The following ATP8A2 variants were observed in gnomAD, a reference collection of about 807,000 sequenced individuals.
ATP8A2 encodes the protein ATPase phospholipid transporting 8A2, also known as phospholipid-transporting ATPase IB.
ATP8A2 carries 100 observed loss-of-function variants against 165.6 expected under a neutral mutation model. The observed-to-expected ratio is 0.60, with a 90% CI of 0.51 to 0.71. The LOEUF is 0.71. Among genes scored for constraint, ATP8A2 ranks in the 30% least tolerant of loss-of-function variants. The pLI is 0.00. For synonymous variants in ATP8A2, 543 were observed against 548.8 expected (o/e 0.99, Z 0.15); for missense variants, 1,227 against 1,479.5 (o/e 0.83, Z 2.80).
intron 2 of ATP8A2, chr13:25,517,173 G>A (rs2037505211): frequency 6.6e-6 from 1 of 151,078 alleles, no homozygotes; most frequent in Non-Finnish European, 1.5e-5. Context: ...AGAAGGTTAG[G>A]ATGATCCCTG....
At position 26,009,164 on chromosome 13, in the gene ATP8A2, G is replaced by T. The variant is rs1956795371; in HGVS notation, c.3378-3367G>T. Among the ~76,000 whole-genome samples the T allele has an allele frequency of 2.0e-5, 3 of 152,190 alleles. No individual in the cohort carries two copies. In the South Asian group the frequency reaches 6.2e-4, roughly 32 times the overall value. Reference sequence around the variant, plus strand: ...ATCTGAAGTAATCATAGTTAGGCCTGGTCCTGACATTTGCAGGACTTGGTA... The same window carrying T: ...ATCTGAAGTAATCATAGTTAGGCCTTGTCCTGACATTTGCAGGACTTGGTA... On this transcript the variant is annotated intron_variant, in intron 35 of 36. Coordinates refer to ENST00000381655, the MANE Select transcript of ATP8A2 (RefSeq NM_016529.6).
At chr13:25,998,603 C>T (rs1231633092) in intron 35 of ATP8A2, among the ~76,000 whole-genome samples, 1 of 152,194 alleles carries the variant, frequency 6.6e-6, no homozygotes, top group Non-Finnish European at 1.5e-5. Context: ...TCCTCTGCCT[C>T]TACTGGGAAA....
At chr13:25,849,184 C>G (rs1338822767) in intron 30 of ATP8A2, among the ~76,000 whole-genome samples, 3 of 152,184 alleles carry the variant, frequency 2.0e-5, no homozygotes, top group Non-Finnish European at 4.4e-5. Context: ...ATGGTGCCAC[C>G]TCTACCTCAG....
Position 25,671,155 on chromosome 13 carries a change from C to T in ATP8A2, c.2212-28018C>T, listed in dbSNP as rs1593171560. Among the ~76,000 whole-genome samples the T allele has an allele frequency of 2.6e-5, 4 of 152,336 alleles. 1 individual carries two copies. In the South Asian group the frequency reaches 8.3e-4, roughly 32 times the overall value. Reference sequence around the variant, plus strand: ...GCCTGTCTTTATTGCAATCTCTAAACATAAATTGTTAAGATTTCATGGACA... The same window carrying T: ...GCCTGTCTTTATTGCAATCTCTAAATATAAATTGTTAAGATTTCATGGACA... On this transcript the variant is annotated intron_variant, in intron 24 of 36. Transcript: ENST00000381655.
intron 1 of ATP8A2, among the ~76,000 whole-genome samples, chr13:25,402,993 T>G (rs2033685915): frequency 6.6e-6 from 1 of 152,136 alleles, no homozygotes; most frequent in Non-Finnish European, 1.5e-5. Context: ...GAAAATAGGA[T>G]GGACTCATTC....
intron 32 of ATP8A2, among the ~76,000 whole-genome samples, chr13:25,861,305 G>A (rs1952344740): frequency 2.6e-5 from 4 of 152,044 alleles, no homozygotes; most frequent in Admixed American, 1.3e-4. Flanking sequence ...ATAGGACTTT[G>A]TAATCCCTTT....
At chr13:25,968,303 AC>A (rs1393772912) in intron 34 of ATP8A2, among the ~76,000 whole-genome samples, 1 of 152,078 alleles carries the variant, frequency 6.6e-6, no homozygotes, top group East Asian at 1.9e-4. Context: ...TCTTTGAGTG[AC>A]TGGGCTGCTC....
chr13:25,548,254 A>G (rs2038714187), intron 10 of ATP8A2, among the ~76,000 whole-genome samples: 1 of 151,902 alleles, frequency 6.6e-6, no homozygotes, highest in African/African-American at 2.4e-5. Flanking sequence ...ACAAAACAAA[A>G]GAAAACCCAT....
chr13:25,703,396 T>C (rs1263886625), intron 25 of ATP8A2, among the ~76,000 whole-genome samples: 1 of 152,110 alleles, frequency 6.6e-6, no homozygotes, highest in Non-Finnish European at 1.5e-5. Context: ...TTTAAAAACA[T>C]ATTTTCCTCA....
chr13:25,616,082 C>A (rs1484890512), intron 24 of ATP8A2, among the ~76,000 whole-genome samples: 1 of 152,044 alleles, frequency 6.6e-6, no homozygotes, highest in African/African-American at 2.4e-5. Flanking sequence ...TTCTCCTATA[C>A]CCCAGTTATC....
chr13:25,673,492 CAAA>C (rs2042308549), intron 24 of ATP8A2, among the ~76,000 whole-genome samples: 2 of 152,192 alleles, frequency 1.3e-5, no homozygotes, highest in Non-Finnish European at 2.9e-5. Context: ...AAATAGAAGT[CAAA>C]CATATTTTAA....
intron 33 of ATP8A2, among the ~76,000 whole-genome samples, chr13:25,920,734 T>C (rs543292413): frequency 2.4e-4 from 37 of 152,340 alleles, no homozygotes; most frequent in Non-Finnish European, 4.6e-4. Context: ...TTTTCCTAAA[T>C]ACTGTCAACA....
intron 27 of ATP8A2, among the ~76,000 whole-genome samples, chr13:25,786,754 G>GA (rs58430501): frequency 0.29 from 39,125 of 134,536 alleles, 6,605 homozygotes; most frequent in African/African-American, 0.4. Flanking sequence ...ACAATTCTAT[G>GA]TTTTTTTTTT....
At chr13:25,697,422 G>C (rs1185887581) in intron 24 of ATP8A2, among the ~76,000 whole-genome samples, 4 of 152,128 alleles carry the variant, frequency 2.6e-5, no homozygotes, top group African/African-American at 9.7e-5. Flanking sequence ...TGGGATTACA[G>C]GTGCGTGCCA....
intron 1 of ATP8A2, among the ~76,000 whole-genome samples, chr13:25,381,684 A>G (rs1231904037): frequency 6.6e-6 from 1 of 152,164 alleles, no homozygotes; most frequent in African/African-American, 2.4e-5. Flanking sequence ...ATAATTTGTG[A>G]GTCCATATGA....
At chr13:25,999,600 C>T (rs1956595154) in intron 35 of ATP8A2, among the ~76,000 whole-genome samples, 1 of 152,178 alleles carries the variant, frequency 6.6e-6, no homozygotes, top group South Asian at 2.1e-4. Context: ...GTAAGGGCAT[C>T]ATCACCTTAT....
intron 2 of ATP8A2, among the ~76,000 whole-genome samples, chr13:25,480,919 C>T (rs910154992): frequency 3.9e-5 from 6 of 152,058 alleles, no homozygotes; most frequent in Admixed American, 6.6e-5. Flanking sequence ...CTCCGGAGGC[C>T]GAGGCTGGTG....
intron 1 of ATP8A2, among the ~76,000 whole-genome samples, chr13:25,417,757 C>T (rs2034176853): frequency 6.6e-6 from 1 of 152,226 alleles, no homozygotes; most frequent in East Asian, 1.9e-4. Context: ...CTGGCTGTGC[C>T]TCTGTGCTTA....
At chr13:25,390,700 TG>T (rs2137967782) in intron 1 of ATP8A2, among the ~76,000 whole-genome samples, 1 of 152,244 alleles carries the variant, frequency 6.6e-6, no homozygotes, top group African/African-American at 2.4e-5. Context: ...GAGGCCAAGC[TG>T]GGTGGATCAT....
Sources: gnomAD v4.1 joint callset for allele counts (sites outside exome capture counted in the v4.1 genomes callset) on GRCh38, gnomAD v4.1.1 for gene constraint, MANE v1.5 for transcripts, NCBI Gene and HGNC (gene_info 2026-07-23, HGNC 2026-07-21) for gene names.